Variants in VRK2 observed in about 807,000 individuals in gnomAD.
VRK2 encodes VRK serine/threonine kinase 2, also known as serine/threonine-protein kinase VRK2.
Under a neutral mutation model 57.6 loss-of-function variants are expected in VRK2, and 60 were observed. That is an observed-to-expected ratio of 1.04 (90% CI 0.85 to 1.29). The LOEUF (loss-of-function observed/expected upper bound fraction) is 1.29. VRK2 is among the 50% of genes most tolerant of loss of function. The pLI, the probability that VRK2 is intolerant of heterozygous loss-of-function variation, is 0.00. For synonymous variants in VRK2, 231 were observed against 199.2 expected (o/e 1.16, Z -1.35); for missense variants, 705 against 588.1 (o/e 1.20, Z -2.06).
chr2:57,938,892 GGAAAATGCTC>G (rs1160426814), intron 1 of VRK2, among the ~76,000 whole-genome samples: 5 of 151,938 alleles, frequency 3.3e-5, no homozygotes, highest in Non-Finnish European at 7.4e-5. Flanking sequence ...CTCTTCTTTT[GGAAAATGCTC>G]CATGGTTAGT....
At chr2:58,083,134 A>G (rs115079248) in intron 2 of VRK2, among the ~76,000 whole-genome samples, 11 of 151,886 alleles carry the variant, frequency 7.2e-5, no homozygotes, top group South Asian at 2.1e-4. Context: ...ATTGTAGTCA[A>G]TACTAGTTCC....
chr2:57,972,453 A>G (rs868851967), intron 1 of VRK2, among the ~76,000 whole-genome samples: 1 of 151,836 alleles, frequency 6.6e-6, no homozygotes, highest in Non-Finnish European at 1.5e-5. Context: ...CTAACAGTAG[A>G]TTACCAGAAA....
intron 12 of VRK2, among the ~76,000 whole-genome samples, chr2:58,152,204 A>C (rs966297150): frequency 6.6e-6 from 1 of 151,852 alleles, no homozygotes; most frequent in East Asian, 1.9e-4. Context: ...AGTCTTCAAA[A>C]TTTGGTGTCT....
intron 11 of VRK2, 31 bp downstream of exon 11, chr2:58,139,863 T>C: frequency 6.4e-7 from 1 of 1,562,118 alleles, no homozygotes; most frequent in Non-Finnish European, 8.7e-7. Flanking sequence ...TATCCTATGA[T>C]TACCTTCTAT....
intron 2 of VRK2, among the ~76,000 whole-genome samples, chr2:58,057,995 A>C (rs560092051): frequency 1.3e-5 from 2 of 152,122 alleles, no homozygotes; most frequent in African/African-American, 4.8e-5. Context: ...AAAATGTGTC[A>C]GCATTCAGGA....
At chr2:58,082,521 A>G (rs1021096222) in intron 2 of VRK2, among the ~76,000 whole-genome samples, 1 of 151,862 alleles carries the variant, frequency 6.6e-6, no homozygotes, top group Non-Finnish European at 1.5e-5. Flanking sequence ...TAGCCTTGGA[A>G]ACCATACTAG....
At chr2:58,023,116 C>T (rs896868635) in intron 1 of VRK2, among the ~76,000 whole-genome samples, 14 of 152,170 alleles carry the variant, frequency 9.2e-5, no homozygotes, top group African/African-American at 3.4e-4. Context: ...ACTCTGTAGC[C>T]ATTAAAGAAT....
intron 3 of VRK2, among the ~76,000 whole-genome samples, chr2:58,040,437 T>C (rs1461161156): frequency 6.6e-6 from 1 of 152,190 alleles, no homozygotes; most frequent in Non-Finnish European, 1.5e-5. Flanking sequence ...CCCAACTGCA[T>C]GCTTAGGTCC....
chr2:58,084,209 T>C, intron 3 of VRK2, 71 bp downstream of exon 3: 2 of 1,490,724 alleles, frequency 1.3e-6, no homozygotes, highest in Non-Finnish European at 9.1e-7. Flanking sequence ...AGAATGTTTT[T>C]CACGTTAATT....
intron 1 of VRK2, among the ~76,000 whole-genome samples, chr2:58,017,019 GA>G (rs35544401): frequency 1.6e-4 from 25 of 152,028 alleles, no homozygotes; most frequent in East Asian, 5.8e-4. Flanking sequence ...GTCAAAAGGG[GA>G]AAAAAAAGTT....
intron 12 of VRK2, among the ~76,000 whole-genome samples, chr2:58,149,052 G>A (rs1279849672): frequency 1.3e-5 from 2 of 151,668 alleles, no homozygotes; most frequent in African/African-American, 4.8e-5. Context: ...ATATTGACTG[G>A]GAGTACATTA....
intron 2 of VRK2, among the ~76,000 whole-genome samples, chr2:58,066,018 T>G (rs1196715616): frequency 2.6e-5 from 4 of 152,182 alleles, no homozygotes; most frequent in African/African-American, 9.6e-5. Context: ...TTGTGGCAGA[T>G]TCTTTGGGAA....
intron 2 of VRK2, among the ~76,000 whole-genome samples, chr2:58,050,046 A>G (rs1323275079): frequency 1.3e-5 from 2 of 152,224 alleles, no homozygotes; most frequent in Non-Finnish European, 2.9e-5. Context: ...TTGAAAAAAT[A>G]CTATGGTTAT....
intron 10 of VRK2, among the ~76,000 whole-genome samples, chr2:58,135,441 C>CTTTTTT (rs201516911): frequency 7.7e-6 from 1 of 130,472 alleles, no homozygotes; most frequent in African/African-American, 2.7e-5. Context: ...CTGCTTAGTG[C>CTTTTTT]TTTTTTTTTT....
At chr2:57,915,471 T>A (rs899732726) in intron 1 of VRK2, among the ~76,000 whole-genome samples, 4 of 152,046 alleles carry the variant, frequency 2.6e-5, no homozygotes, top group African/African-American at 9.7e-5. Context: ...ATTAAAAAAA[T>A]AAAGATACAA....
chr2:57,974,414 T>A (rs919215882), intron 1 of VRK2, among the ~76,000 whole-genome samples: 3 of 151,904 alleles, frequency 2.0e-5, no homozygotes, highest in African/African-American at 7.2e-5. Flanking sequence ...GGGATTTTTT[T>A]ATAAATTGTC....
At chr2:58,021,510 G>A (rs1195607293) in intron 1 of VRK2, among the ~76,000 whole-genome samples, 1 of 152,140 alleles carries the variant, frequency 6.6e-6, no homozygotes, top group African/African-American at 2.4e-5. Flanking sequence ...AGATACTGCA[G>A]ACAACAAATT....
chr2:58,093,983 G>A (rs1438927899), intron 7 of VRK2, among the ~76,000 whole-genome samples: 1 of 152,136 alleles, frequency 6.6e-6, no homozygotes, highest in Non-Finnish European at 1.5e-5. Context: ...GTAGATGTGT[G>A]ATATTATTTC....
chr2:57,944,478 T>C (rs1671194872), intron 1 of VRK2, among the ~76,000 whole-genome samples: 1 of 152,250 alleles, frequency 6.6e-6, no homozygotes, highest in African/African-American at 2.4e-5. Context: ...GGCTCACGCC[T>C]GTAATCCCAA....
Sources: gnomAD v4.1 joint callset for allele counts (sites outside exome capture counted in the v4.1 genomes callset) on GRCh38, gnomAD v4.1.1 for gene constraint, MANE v1.5 for transcripts, NCBI Gene and HGNC (gene_info 2026-07-23, HGNC 2026-07-21) for gene names.